Variants in PADI4 observed in about 807,000 individuals in gnomAD.
The protein encoded by PADI4 is protein-arginine deiminase type-4.
PADI4 carries 62 observed loss-of-function variants against 75.0 expected under a neutral mutation model. That is an observed-to-expected ratio of 0.83 (90% confidence interval 0.67 to 1.02). The LOEUF is 1.02. PADI4 is among the 50% of genes least tolerant of loss of function. The pLI is 0.00. For synonymous variants in PADI4, 361 were observed against 348.1 expected, an observed-to-expected ratio of 1.04 and a Z score of -0.41; for missense variants, 845 against 850.5, an observed-to-expected ratio of 0.99 and a Z score of 0.08.
At chr1:17,318,958 G>A (rs1217757507) in intron 1 of PADI4, among the ~76,000 whole-genome samples, 2 of 152,078 alleles carry the variant, frequency 1.3e-5, no homozygotes, top group Non-Finnish European at 2.9e-5. Context: ...AAAGTGCTGG[G>A]ATTACAGGCG....
intron 1 of PADI4, among the ~76,000 whole-genome samples, chr1:17,317,171 T>C (rs114886233): frequency 0.012 from 1,780 of 152,116 alleles, 40 homozygotes; most frequent in African/African-American, 0.041. Flanking sequence ...AGCAATCCAC[T>C]TGCCTCAGCT....
In PADI4 at chr1:17,346,007, C is replaced by G. The variant is rs768187144; in HGVS notation, c.936-21C>G. 1 of 1,467,404 alleles carries G rather than the reference C, an allele frequency of 6.8e-7. No individual in the cohort carries two copies. Among genetic ancestry groups the G allele is most frequent in the Non-Finnish European group, 9.6e-7 (1 of 1,046,328 alleles). The allele number at this position is 1,467,404 out of a possible 1,614,324, so 90.9% of individuals were successfully genotyped here. On this transcript the variant is annotated intron_variant, in intron 8 of 15. Transcript: ENST00000375448. The surrounding 1 kb of genome is among the most constrained non-coding windows in gnomAD (Gnocchi z 4.3). ...CTTCAAATTCCAGAGCACTAAGGAGCTGCTTTTCTGCTCTCTCTAGTATTT... is the reference window on the plus strand; with the variant it reads ...CTTCAAATTCCAGAGCACTAAGGAGGTGCTTTTCTGCTCTCTCTAGTATTT...
At chr1:17,313,195 A>C (rs2073870559) in intron 1 of PADI4, among the ~76,000 whole-genome samples, 1 of 150,892 alleles carries the variant, frequency 6.6e-6, no homozygotes, top group Admixed American at 6.6e-5. Flanking sequence ...GCCTCAAAAA[A>C]AATAGAAAGA....
rs146118116 is a variant in PADI4, at chr1:17,319,862, G to C, written c.93-11107G>C. Among the ~76,000 whole-genome samples the C allele has an allele frequency of 4.6e-5, 7 of 152,322 alleles. No homozygotes were observed. The East Asian group carries it at 1.3e-3, about 29-fold the overall frequency. The stretch of plus-strand genomic sequence containing the variant: ...AGCCAAAACAGTGCTTGGTATAAAA[G>C]TAGGTCACGGGCTGTTTACACCTCC... On this transcript the variant is annotated intron_variant, in intron 1 of 15. Transcript: ENST00000375448.
chr1:17,339,762 C>G lies in PADI4; in HGVS notation c.601C>G (p.Leu201Val). Residue 201 changes from leucine to valine, a missense_variant, in exon 6 of 16, where the codon CTC (leucine) becomes GTC (valine). Leu to Val is a conservative substitution (Grantham distance 32). Transcript: ENST00000375448. ...KDFFTNHTLVLHVARSEMDKV... is the reference protein window; with the variant it reads ...KDFFTNHTLVVHVARSEMDKV... Reference sequence around the variant, plus strand: ...CTTCTTCACAAACCATACACTGGTGCTCCACGTGGCCAGGTCTGAGATGGA... The same window carrying G: ...CTTCTTCACAAACCATACACTGGTGGTCCACGTGGCCAGGTCTGAGATGGA... 6.2e-7 allele frequency: 1 copy of G among 1,613,946 alleles called. No homozygotes were observed. Among genetic ancestry groups the G allele is most frequent in the African/African-American group, 1.3e-5 (1 of 75,012 alleles).
In PADI4 at chr1:17,356,404, C is replaced by T; in HGVS notation, c.1503C>T (p.Phe501=). ...GCCCCAGGTCCTGCTACAAACTGTT[C>T]CAGGAGCAGCAGAATGAGGGCCACG... The part of the protein sequence containing the change: ...LASPRSCYKL[F]QEQQNEGHGE... The change falls in exon 13 of 16, where the codon TTC becomes TTT. Residue 501 remains phenylalanine, a synonymous_variant. Coordinates refer to ENST00000375448, the MANE Select transcript of PADI4 (RefSeq NM_012387.3). The surrounding 1 kb of genome is among the most constrained non-coding windows in gnomAD (Gnocchi z 4.1). 2 of 1,613,638 alleles carry T rather than the reference C, an allele frequency of 1.2e-6. No homozygotes were observed. The highest frequency in any genetic ancestry group is 4.5e-5 in the East Asian group (2 of 44,876).
At chr1:17,355,929 G>T in intron 11 of PADI4, 54 bp from the exon 12 acceptor site, 1 of 1,609,532 alleles carries the variant, frequency 6.2e-7, no homozygotes, top group South Asian at 1.1e-5. Flanking sequence ...GTCCTTCAGG[G>T]ACTTCCCTGT....
In PADI4 at chr1:17,355,951, C is replaced by A; in HGVS notation, c.1311-32C>A. 1.9e-6 allele frequency: 3 copies of A among 1,613,728 alleles called. No individual in the cohort carries two copies. The South Asian group carries it at 3.3e-5, about 18-fold the overall frequency. On this transcript the variant is annotated intron_variant, in intron 11 of 15. Coordinates refer to ENST00000375448, the MANE Select transcript of PADI4 (RefSeq NM_012387.3). ...AGGGACTTCCCTGTAGCCCTTGCTG[C>A]CGATAACACCCCTTTAACCCTGCCA...
intron 1 of PADI4, among the ~76,000 whole-genome samples, chr1:17,311,607 C>T (rs1189110201): frequency 6.6e-6 from 1 of 151,874 alleles, no homozygotes; most frequent in South Asian, 2.1e-4. Flanking sequence ...TCACCGCAAG[C>T]TCCACCTCCC....
rs1557588384 is a variant in PADI4, at chr1:17,363,843, T to TGGCTCCCAGGG, written c.*95_*96insAGGGGGCTCCC. 1 of 914,948 alleles carries TGGCTCCCAGGG rather than the reference T, an allele frequency of 1.1e-6. No individual in the cohort carries two copies. The highest frequency in any genetic ancestry group is 2.2e-5 in the Admixed American group (1 of 45,336). The allele number at this position is 914,948 out of a possible 1,614,324, so 56.7% of individuals were successfully genotyped here. On this transcript the variant is annotated 3_prime_UTR_variant, in exon 16 of 16. Transcript: ENST00000375448. ...CAAGCAAGAGCTCTTGTGAATATTG[T>TGGCTCCCAGGG]GGCTCCCTGGGGGCGGCCAGCCCTC...
chr1:17,353,037 C>T (rs113745238), intron 10 of PADI4, among the ~76,000 whole-genome samples: 58 of 152,218 alleles, frequency 3.8e-4, no homozygotes, highest in African/African-American at 1.3e-3. Context: ...AGGCGAGGCC[C>T]GCGCATTGCA....
chr1:17,314,404 C>G (rs372612346), intron 1 of PADI4, among the ~76,000 whole-genome samples: 1 of 152,188 alleles, frequency 6.6e-6, no homozygotes, highest in Non-Finnish European at 1.5e-5. Context: ...AGTTTTGGTT[C>G]GGCCAGGTAG....
Position 17,363,771 on chromosome 1 carries a change from C to T in PADI4, c.*16C>T, listed in dbSNP as rs765538143. 21 of 1,559,924 alleles carry T rather than the reference C, an allele frequency of 1.3e-5. No individual in the cohort carries two copies. The highest frequency in any genetic ancestry group is 8.1e-5 in the African/African-American group (6 of 73,924). On this transcript the variant is annotated 3_prime_UTR_variant, in exon 16 of 16. Coordinates refer to ENST00000375448, the MANE Select transcript of PADI4 (RefSeq NM_012387.3). The stretch of plus-strand genomic sequence containing the variant: ...GGTGCCCTGAGCCCATCTTCCCTGG[C>T]GTCCTCTCCCTCCTGGCCAGATGTC...
chr1:17,341,994 C>G lies in PADI4; in HGVS notation c.704C>G (p.Ser235Cys), dbSNP rs1475157338. Reference protein sequence around the residue: ...CSVVLGPKWPSHYLMVPGGKH... With the variant: ...CSVVLGPKWPCHYLMVPGGKH... ...GTAGTCTTGGGTCCCAAGTGGCCCT[C>G]TCACTACCTGATGGTCCCCGGTGGA... The change falls in exon 7 of 16, where the codon TCT becomes TGT. Residue 235 changes from serine (S) to cysteine (C), a missense_variant. Coordinates refer to ENST00000375448, the MANE Select transcript of PADI4 (RefSeq NM_012387.3). The G allele has an allele frequency of 6.2e-7, 1 of 1,614,102 alleles. No individual in the cohort carries two copies. Among genetic ancestry groups the G allele is most frequent in the Non-Finnish European group, 8.5e-7 (1 of 1,179,968 alleles).
chr1:17,351,581 C>T (rs1321941910), intron 10 of PADI4, among the ~76,000 whole-genome samples: 1 of 134,842 alleles, frequency 7.4e-6, no homozygotes, highest in Non-Finnish European at 1.5e-5. Flanking sequence ...TGCATTCTGG[C>T]ATGGGCAATA....
At chr1:17,316,929 C>T (rs1569985239) in intron 1 of PADI4, among the ~76,000 whole-genome samples, 2 of 152,142 alleles carry the variant, frequency 1.3e-5, no homozygotes, top group South Asian at 4.1e-4. Flanking sequence ...CTCACAGTAG[C>T]AAGACCTCAT....
At position 17,356,342 on chromosome 1, in the gene PADI4, T is replaced by C. The variant is rs1231194479; in HGVS notation, c.1456-15T>C. 6 of 1,568,092 alleles carry C rather than the reference T, an allele frequency of 3.8e-6. No individual in the cohort carries two copies. The highest frequency in any genetic ancestry group is 1.1e-5 in the South Asian group (1 of 87,690). On this transcript the variant is annotated splice_polypyrimidine_tract_variant and intron_variant, in intron 12 of 15. Coordinates refer to ENST00000375448, the MANE Select transcript of PADI4 (RefSeq NM_012387.3). This position sits in a 1 kb window ranked among gnomAD's most constrained non-coding sequence, Gnocchi z 4.1. ...GGGCAAAGCTGACTTCTAACCCCAG[T>C]GTTTCTGCCTCCAGGGCTTCCGGCT...
At chr1:17,354,188 G>A (rs991461612) in intron 10 of PADI4, among the ~76,000 whole-genome samples, 2 of 152,090 alleles carry the variant, frequency 1.3e-5, no homozygotes, top group African/African-American at 2.4e-5. Context: ...AGGTTGCAGT[G>A]GCTGAGATCA....
Position 17,338,844 on chromosome 1 carries a change from G to A in PADI4, c.526+689G>A, listed in dbSNP as rs150204245. Among the ~76,000 whole-genome samples, 486 of 152,262 alleles carry A rather than the reference G, an allele frequency of 3.2e-3. 5 individuals are homozygous for A. Among genetic ancestry groups the A allele is most frequent in the African/African-American group, 0.011 (475 of 41,548 alleles). On this transcript the variant is annotated intron_variant, in intron 5 of 15. Transcript: ENST00000375448. ...GGTGCTAAGGGGCTCTGGCTGGCAG[G>A]CCTTCCTGGGGAGCTCTTAGAATAA...
Sources: allele counts gnomAD v4.1 joint callset (sites outside exome capture counted in the v4.1 genomes callset), GRCh38; gene constraint gnomAD v4.1.1; non-coding constraint Gnocchi (gnomAD v3.1); transcripts MANE v1.5; gene names NCBI Gene and HGNC (gene_info 2026-07-23, HGNC 2026-07-21).